Variants in RPH3AL observed in about 807,000 individuals in gnomAD.
RPH3AL encodes the protein rabphilin 3A like (without C2 domains).
A neutral mutation model predicts 43.1 loss-of-function variants in RPH3AL; 38 were observed. The observed-to-expected ratio is 0.88, with a 90% CI of 0.68 to 1.15. RPH3AL has a LOEUF of 1.15. RPH3AL is among the 50% of genes most tolerant of loss of function. The pLI, the probability that RPH3AL is intolerant of heterozygous loss-of-function variation, is 0.00. For missense variants in RPH3AL, 462 were observed against 423.2 expected (o/e 1.09, Z -0.81); for synonymous variants, 189 against 176.3 (o/e 1.07, Z -0.57).
intron 4 of RPH3AL, among the ~76,000 whole-genome samples, chr17:320,375 C>G (rs917727081): frequency 2.6e-5 from 4 of 152,132 alleles, no homozygotes; most frequent in Non-Finnish European, 5.9e-5. Flanking sequence ...GTGGCTCATG[C>G]CTGACATCCC....
intron 6 of RPH3AL, among the ~76,000 whole-genome samples, chr17:273,152 T>C (rs867221418): frequency 0.26 from 843 of 3,186 alleles, 359 homozygotes; most frequent in South Asian, 0.47. Context: ...CCAGCGAGGG[T>C]GATGTCAGGG....
At position 215,702 on chromosome 17, in the gene RPH3AL, A is replaced by G; in HGVS notation, c.828T>C (p.Ser276=). 2.3e-6 allele frequency: 3 copies of G among 1,281,420 alleles called. No individual in the cohort carries two copies. The highest frequency in any genetic ancestry group is 3.0e-6 in the Non-Finnish European group (3 of 1,009,068). 79.4% of individuals were successfully genotyped at this position (1,281,420 alleles called of 1,614,324 possible). ...SLASGETGTG[S]ADPPGGPRPG... ...GGCGGGGTCCCCCTGGCGGGTCAGC[A>G]GAGCCTGTCCCCGTCTCACCACTGG... Residue 276 remains serine (S), a synonymous_variant, in exon 9 of 10, where the codon TCT becomes TCC. Coordinates refer to ENST00000331302, the MANE Select transcript of RPH3AL (RefSeq NM_006987.4). This position sits in a 1 kb window ranked among gnomAD's most constrained non-coding sequence, Gnocchi z 4.1.
Position 290,780 on chromosome 17 carries a change from T to C in RPH3AL, c.352-8926A>G. Among the ~76,000 whole-genome samples the C allele has an allele frequency of 6.6e-6, 1 of 152,298 alleles. No homozygotes were observed. Among genetic ancestry groups the C allele is most frequent in the East Asian group, 1.9e-4 (1 of 5,174 alleles). On this transcript the variant is annotated intron_variant, in intron 5 of 9. Coordinates refer to ENST00000331302, the MANE Select transcript of RPH3AL (RefSeq NM_006987.4). This position sits in a 1 kb window ranked among gnomAD's most constrained non-coding sequence, Gnocchi z 4.2. ...CCAATGTAGGGGGAGGGAAGGAAAC[T>C]GCTCTGAAAGCAGACGCCGCCATCT...
At chr17:282,124 G>A (rs570262321) in intron 5 of RPH3AL, among the ~76,000 whole-genome samples, 46 of 152,226 alleles carry the variant, frequency 3.0e-4, no homozygotes, top group African/African-American at 9.4e-4. Context: ...TCACAGCTGC[G>A]TCACGTTTGA....
chr17:263,060 C>T (rs2042237689), intron 6 of RPH3AL, among the ~76,000 whole-genome samples: 1 of 152,144 alleles, frequency 6.6e-6, no homozygotes, highest in Admixed American at 6.6e-5. Context: ...GCATGAAGAC[C>T]TGGGCACAAA....
intron 6 of RPH3AL, among the ~76,000 whole-genome samples, chr17:266,751 ATGAT>A (rs2042335483): frequency 6.6e-6 from 1 of 152,256 alleles, no homozygotes; most frequent in African/African-American, 2.4e-5. Context: ...TTCTTGACAG[ATGAT>A]TTAAACACCT....
At chr17:224,695 C>T (rs2041066426) in intron 7 of RPH3AL, among the ~76,000 whole-genome samples, 1 of 152,048 alleles carries the variant, frequency 6.6e-6, no homozygotes, top group Non-Finnish European at 1.5e-5. Flanking sequence ...TTCTCAATAG[C>T]AAAGACTTGG....
At chr17:310,578 G>C (rs2043619060) in intron 5 of RPH3AL, among the ~76,000 whole-genome samples, 2 of 152,184 alleles carry the variant, frequency 1.3e-5, no homozygotes, top group African/African-American at 4.8e-5. Context: ...AGATAAACAG[G>C]GAGGTGGCCC....
intron 5 of RPH3AL, among the ~76,000 whole-genome samples, chr17:291,484 T>C (rs768705205): frequency 1.9e-4 from 29 of 152,166 alleles, no homozygotes; most frequent in Non-Finnish European, 3.5e-4. Context: ...TGGTTTCTCA[T>C]TGGGAACCGC....
intron 5 of RPH3AL, among the ~76,000 whole-genome samples, chr17:315,072 G>GA (rs1222299537): frequency 4.1e-4 from 46 of 112,942 alleles, no homozygotes; most frequent in African/African-American, 5.9e-4. Flanking sequence ...TAGTCCCTGT[G>GA]CTCCACCTCC....
rs144401635 is a variant in RPH3AL at position 219,950 on chromosome 17, G to A, written c.614-214C>T. 3.9e-5 allele frequency among the ~76,000 whole-genome samples: 6 copies of A among 152,300 alleles called. No homozygotes were observed. The East Asian group carries it at 7.7e-4, about 20-fold the overall frequency. ...AGGGGAGTCCTGATGTGAGGAGGCT[G>A]GGATCTGGGCTCAGGCTGACCAGCA... On this transcript the variant is annotated intron_variant, in intron 7 of 9. Coordinates refer to ENST00000331302, the MANE Select transcript of RPH3AL (RefSeq NM_006987.4).
chr17:327,157 A>G (rs1463244826), intron 3 of RPH3AL, among the ~76,000 whole-genome samples: 1 of 152,164 alleles, frequency 6.6e-6, no homozygotes, highest in Non-Finnish European at 1.5e-5. Flanking sequence ...CAGCCTGTTG[A>G]TAGAAAGGAC....
At chr17:271,623 C>T (rs949864904) in intron 6 of RPH3AL, among the ~76,000 whole-genome samples, 1 of 152,056 alleles carries the variant, frequency 6.6e-6, no homozygotes, top group Non-Finnish European at 1.5e-5. Context: ...GATTTTGTAC[C>T]CTGAGACTTT....
chr17:302,746 C>T (rs777288862), intron 5 of RPH3AL, among the ~76,000 whole-genome samples: 3 of 152,240 alleles, frequency 2.0e-5, no homozygotes, highest in Non-Finnish European at 2.9e-5. Flanking sequence ...GAATACAACA[C>T]AGCTCCTAAA....
chr17:233,920 GACCA>G (rs2041294445), intron 7 of RPH3AL, among the ~76,000 whole-genome samples: 1 of 115,992 alleles, frequency 8.6e-6, no homozygotes, highest in Non-Finnish European at 1.8e-5. Flanking sequence ...TACTTACCCT[GACCA>G]ACTTCCCTGA....
chr17:230,584 G>T (rs1012006475), intron 7 of RPH3AL, among the ~76,000 whole-genome samples: 1 of 152,238 alleles, frequency 6.6e-6, no homozygotes, highest in African/African-American at 2.4e-5. Flanking sequence ...CATCCTGCTG[G>T]CTCAGGAGAA....
At chr17:347,316 G>A (rs915202670) in intron 1 of RPH3AL, among the ~76,000 whole-genome samples, 1 of 152,124 alleles carries the variant, frequency 6.6e-6, no homozygotes. Flanking sequence ...AGCACAGTGG[G>A]ACTCTGTATC....
rs1235317501 is a variant in RPH3AL at position 294,660 on chromosome 17, G to T, written c.352-12806C>A. Among the ~76,000 whole-genome samples, 6 of 59,656 alleles carry T rather than the reference G, an allele frequency of 1.0e-4. 1 individual carries two copies. The highest frequency in any genetic ancestry group is 3.9e-4 in the African/African-American group (6 of 15,566). The allele number at this position is 59,656 out of a possible 152,430, so 39.1% of individuals were successfully genotyped here. A position where few individuals can be genotyped will look rare whatever the true frequency, so the allele number is the denominator to read the frequency against. On this transcript the variant is annotated intron_variant, in intron 5 of 9. Transcript: ENST00000331302. ...ATGGACAGCAGAGGGAATGCACACA[G>T]TGTGGGAGGGACAGAGATGCTGCAG...
intron 5 of RPH3AL, among the ~76,000 whole-genome samples, chr17:316,287 G>T (rs2066002484): frequency 9.7e-6 from 1 of 102,916 alleles, no homozygotes; most frequent in South Asian, 3.6e-4. Context: ...GTGATGCGTA[G>T]TCTCTGTGCT....
Sources: gnomAD v4.1 joint callset for allele counts (sites outside exome capture counted in the v4.1 genomes callset) on GRCh38, gnomAD v4.1.1 for gene constraint, Gnocchi (gnomAD v3.1) non-coding constraint, MANE v1.5 for transcripts, NCBI Gene and HGNC (gene_info 2026-07-23, HGNC 2026-07-21) for gene names.